VAPA: variants seen among roughly 807,000 people sequenced by gnomAD.
VAPA encodes vesicle-associated membrane protein-associated protein A.
A neutral mutation model predicts 25.6 loss-of-function variants in VAPA; 6 were observed. That is an observed-to-expected ratio of 0.23 (90% CI 0.13 to 0.46). The LOEUF (loss-of-function observed/expected upper bound fraction) is 0.46, where lower values mean the gene tolerates loss of function less well. Among genes scored for constraint, VAPA ranks in the 20% least tolerant of loss-of-function variants. The pLI is 0.99. For missense variants in VAPA, 244 were observed against 302.1 expected (o/e 0.81, Z 1.43); for synonymous variants, 112 against 106.2 (o/e 1.05, Z -0.34).
At chr18:9,935,868 A>G (rs1400852003) in intron 2 of VAPA, among the ~76,000 whole-genome samples, 1 of 152,208 alleles carries the variant, frequency 6.6e-6, no homozygotes, top group Non-Finnish European at 1.5e-5. Flanking sequence ...TTAGAAAGAC[A>G]GACAATTTAA....
chr18:9,924,085 G>T (rs973948033), intron 1 of VAPA: 2 of 151,732 alleles, frequency 1.3e-5, no homozygotes, highest in African/African-American at 4.8e-5. Context: ...GCTATGCTGT[G>T]TATAATTATA....
intron 4 of VAPA, among the ~76,000 whole-genome samples, chr18:9,943,800 A>G (rs927228349): frequency 7.9e-6 from 1 of 126,410 alleles, no homozygotes; most frequent in African/African-American, 2.9e-5. Flanking sequence ...ATTGCATTTC[A>G]TTTATGTCCT....
chr18:9,924,215 G>A (rs1184476370), intron 1 of VAPA, among the ~76,000 whole-genome samples: 2 of 151,804 alleles, frequency 1.3e-5, no homozygotes, highest in Non-Finnish European at 2.9e-5. Context: ...CAGGTTCTCT[G>A]AAAATGTACC....
intron 4 of VAPA, among the ~76,000 whole-genome samples, chr18:9,943,062 T>A (rs1399942161): frequency 6.6e-6 from 1 of 152,220 alleles, no homozygotes; most frequent in Non-Finnish European, 1.5e-5. Flanking sequence ...TTTGTTGATT[T>A]CTTTAGACTT....
At chr18:9,927,089 T>A (rs1313316967) in intron 1 of VAPA, among the ~76,000 whole-genome samples, 1 of 152,146 alleles carries the variant, frequency 6.6e-6, no homozygotes, top group Non-Finnish European at 1.5e-5. Context: ...TTTTATTCTC[T>A]TAACAGAAAA....
intron 1 of VAPA, among the ~76,000 whole-genome samples, chr18:9,921,624 T>C (rs2069157480): frequency 6.6e-6 from 1 of 152,222 alleles, no homozygotes; most frequent in Admixed American, 6.5e-5. Flanking sequence ...TTTCTTTTTA[T>C]CTTACCTTTA....
intron 4 of VAPA, among the ~76,000 whole-genome samples, chr18:9,939,074 A>C (rs2069340082): frequency 6.6e-6 from 1 of 152,338 alleles, no homozygotes; most frequent in East Asian, 1.9e-4. Flanking sequence ...CTTAATATCA[A>C]GCTGTCCAGA....
chr18:9,938,568 C>G (rs537516166), intron 4 of VAPA, among the ~76,000 whole-genome samples: 1 of 152,154 alleles, frequency 6.6e-6, no homozygotes, highest in African/African-American at 2.4e-5. Context: ...GAATCCCCTG[C>G]GGTGGAACTC....
chr18:9,952,667 C>G (rs2069502780), intron 5 of VAPA, among the ~76,000 whole-genome samples: 1 of 152,050 alleles, frequency 6.6e-6, no homozygotes, highest in African/African-American at 2.4e-5. Flanking sequence ...CACTTTCTTG[C>G]TCCTGTCTGT....
chr18:9,936,026 G>C (rs950005237), intron 2 of VAPA, 84 bp from the exon 3 acceptor site: 1 of 947,132 alleles, frequency 1.1e-6, no homozygotes, highest in African/African-American at 1.7e-5. Context: ...CCCAGACTTA[G>C]TATAATTTAA....
rs2069545210 is a variant in VAPA, at chr18:9,955,943, C to T, written c.*1732C>T. 1 of 152,114 alleles carries T rather than the reference C, an allele frequency of 6.6e-6. No homozygotes were observed. The allele number at this position is 152,114 out of a possible 1,614,324, so 9.4% of individuals were successfully genotyped here. On this transcript the variant is annotated 3_prime_UTR_variant, in exon 6 of 6. Coordinates refer to ENST00000400000, the MANE Select transcript of VAPA (RefSeq NM_194434.3). The stretch of plus-strand genomic sequence containing the variant: ...ACTGGAAAAGCATGCTAAAAATAGT[C>T]TTATATTTTCACCCCATAAATGCAG...
At chr18:9,930,207 A>G (rs990992311) in intron 1 of VAPA, among the ~76,000 whole-genome samples, 1 of 152,174 alleles carries the variant, frequency 6.6e-6, no homozygotes, top group Non-Finnish European at 1.5e-5. Flanking sequence ...ATAAATATGT[A>G]ATTAAAATAA....
At chr18:9,920,296 T>C (rs1386169323) in intron 1 of VAPA, among the ~76,000 whole-genome samples, 1 of 152,122 alleles carries the variant, frequency 6.6e-6, no homozygotes, top group Non-Finnish European at 1.5e-5. Flanking sequence ...CCTTTTCTTT[T>C]CTTTCTTTCT....
intron 4 of VAPA, among the ~76,000 whole-genome samples, chr18:9,941,659 T>A (rs1427949856): frequency 2.6e-5 from 4 of 152,172 alleles, no homozygotes; most frequent in Admixed American, 6.5e-5. Flanking sequence ...TAGATAAAAT[T>A]AGTAGTTAAT....
At chr18:9,945,125 C>CT in intron 4 of VAPA, 1 of 1,542,520 alleles carries the variant, frequency 6.5e-7, no homozygotes, top group Non-Finnish European at 8.9e-7. Context: ...ATGTAGATAC[C>CT]TAGCAGATAA....
At chr18:9,935,451 A>AT (rs2069299651) in intron 2 of VAPA, among the ~76,000 whole-genome samples, 1 of 152,122 alleles carries the variant, frequency 6.6e-6, no homozygotes, top group Non-Finnish European at 1.5e-5. Context: ...GCATGTGGCT[A>AT]TAGTCTTAGC....
At position 9,957,417 on chromosome 18, in the gene VAPA, A is replaced by G. The variant is rs2069562748; in HGVS notation, c.*3206A>G. 2 of 152,338 alleles carry G rather than the reference A, an allele frequency of 1.3e-5. No individual in the cohort carries two copies. Among genetic ancestry groups the G allele is most frequent in the South Asian group, 4.1e-4 (2 of 4,828 alleles). The allele number at this position is 152,338 out of a possible 1,614,324, so 9.4% of individuals were successfully genotyped here. On this transcript the variant is annotated 3_prime_UTR_variant, in exon 6 of 6. Transcript: ENST00000400000. ...TTTGAACTGTAATCTTTCAGATTAC[A>G]CCACTTTGAAAACAAGTTTTAACAG...
intron 1 of VAPA, among the ~76,000 whole-genome samples, chr18:9,916,868 G>A (rs966223490): frequency 2.2e-4 from 33 of 152,240 alleles, no homozygotes; most frequent in African/African-American, 7.9e-4. Context: ...AGTTTGAGAT[G>A]GTTTCTCCAG....
At chr18:9,930,752 C>G (rs29166) in intron 1 of VAPA, among the ~76,000 whole-genome samples, 166 of 151,658 alleles carry the variant, frequency 1.1e-3, no homozygotes, top group African/African-American at 3.8e-3. Flanking sequence ...TTTTCTATAA[C>G]TGGTTCTCTG....
Sources: gnomAD v4.1 joint callset for allele counts (sites outside exome capture counted in the v4.1 genomes callset) on GRCh38, gnomAD v4.1.1 for gene constraint, MANE v1.5 for transcripts, NCBI Gene and HGNC (gene_info 2026-07-23, HGNC 2026-07-21) for gene names.